The following KLF12 variants were observed in gnomAD, a reference collection of about 807,000 sequenced individuals.
The protein encoded by KLF12 is Krueppel-like factor 12.
A neutral mutation model predicts 37.8 loss-of-function variants in KLF12; 9 were observed. That is an observed-to-expected ratio of 0.24 (90% CI 0.14 to 0.42). The LOEUF (loss-of-function observed/expected upper bound fraction) is 0.42, where lower values mean the gene tolerates loss of function less well. KLF12 is among the 10% of genes least tolerant of loss of function. KLF12 has a pLI of 1.00. For missense variants in KLF12, 411 were observed against 516.0 expected (o/e 0.80, Z 1.97); for synonymous variants, 208 against 202.1 (o/e 1.03, Z -0.25).
At chr13:74,011,239 C>CAAAAAAA (rs58892976) in intron 1 of KLF12, among the ~76,000 whole-genome samples, 1 of 56,138 alleles carries the variant, frequency 1.8e-5, no homozygotes, top group Non-Finnish European at 4.0e-5. Flanking sequence ...CAAGTCAGAG[C>CAAAAAAA]AAAAAAAAAA....
chr13:73,832,834 A>C (rs1884235288), intron 4 of KLF12, among the ~76,000 whole-genome samples: 1 of 152,190 alleles, frequency 6.6e-6, no homozygotes, highest in Non-Finnish European at 1.5e-5. Flanking sequence ...AACACCAAAA[A>C]CTGATTGTAC....
intron 1 of KLF12, among the ~76,000 whole-genome samples, chr13:74,054,692 A>G (rs1258758914): frequency 6.6e-6 from 1 of 152,200 alleles, no homozygotes; most frequent in Non-Finnish European, 1.5e-5. Flanking sequence ...TGTTCCTAAT[A>G]TATCAAGGTT....
At chr13:73,941,917 C>T (rs899284205) in intron 3 of KLF12, among the ~76,000 whole-genome samples, 6 of 152,126 alleles carry the variant, frequency 3.9e-5, no homozygotes, top group Non-Finnish European at 7.4e-5. Context: ...ACATCAGCTC[C>T]ACTCACAAGG....
chr13:74,093,828 C>T (rs1399749668), intron 1 of KLF12, among the ~76,000 whole-genome samples: 2 of 151,896 alleles, frequency 1.3e-5, no homozygotes, highest in Non-Finnish European at 2.9e-5. Flanking sequence ...TGTAAATGAG[C>T]ATTACTTTGG....
intron 4 of KLF12, among the ~76,000 whole-genome samples, chr13:73,839,445 C>T (rs1884627905): frequency 1.3e-5 from 2 of 151,814 alleles, no homozygotes; most frequent in South Asian, 2.1e-4. Context: ...AATGTAATAC[C>T]TATTAATGTT....
At chr13:74,048,354 G>A (rs1019997739) in intron 1 of KLF12, among the ~76,000 whole-genome samples, 2 of 152,114 alleles carry the variant, frequency 1.3e-5, no homozygotes, top group Non-Finnish European at 2.9e-5. Flanking sequence ...TCACAGCTGG[G>A]TTTCTGTAAC....
chr13:74,148,162 G>C, the KLF12 span, among the ~76,000 whole-genome samples: 1 of 151,790 alleles, frequency 6.6e-6, no homozygotes, highest in African/African-American at 2.4e-5. Flanking sequence ...TGATCCACCC[G>C]CCTCGGCCTC....
chr13:74,287,350 G>GAGAGAGAGAGAT, the KLF12 span, among the ~76,000 whole-genome samples: 3 of 13,612 alleles, frequency 2.2e-4, no homozygotes, highest in African/African-American at 5.9e-4. Flanking sequence ...TATCAAAGTT[G>GAGAGAGAGAGAT]AGAGAGAGAG....
intron 5 of KLF12, among the ~76,000 whole-genome samples, chr13:73,796,446 G>A (rs931850687): frequency 1.6e-4 from 24 of 150,548 alleles, no homozygotes; most frequent in African/African-American, 4.6e-4. Flanking sequence ...ACCCATTTTC[G>A]TGGTGCTTCT....
At chr13:74,203,899 T>A in the KLF12 span, among the ~76,000 whole-genome samples, 1 of 152,132 alleles carries the variant, frequency 6.6e-6, no homozygotes, top group Non-Finnish European at 1.5e-5. Flanking sequence ...TTGAACAGTA[T>A]GTAAGCGGAG....
In KLF12 at chr13:74,085,157, C is replaced by T. The variant is rs569419783; in HGVS notation, c.-32+48582G>A. 1.9e-4 allele frequency among the ~76,000 whole-genome samples: 29 copies of T among 152,162 alleles called. 1 individual carries two copies. Among genetic ancestry groups the T allele is most frequent in the Admixed American group, 5.9e-4 (9 of 15,294 alleles). ...TGAAAAGTACCAGCAATCAAACCCA[C>T]GTGACCAAAAAAAAGCATTCTAGTT... is the stretch of plus-strand genomic sequence containing the variant. On this transcript the variant is annotated intron_variant, in intron 1 of 7. Coordinates refer to ENST00000377669, the MANE Select transcript of KLF12 (RefSeq NM_007249.5).
chr13:74,212,299 G>T, the KLF12 span, among the ~76,000 whole-genome samples: 1 of 152,138 alleles, frequency 6.6e-6, no homozygotes, highest in Non-Finnish European at 1.5e-5. Flanking sequence ...GGTTTGGGAA[G>T]AAATGTTACC....
the KLF12 span, among the ~76,000 whole-genome samples, chr13:74,151,815 A>G: frequency 1.3e-5 from 2 of 152,336 alleles, no homozygotes; most frequent in African/African-American, 4.8e-5. Context: ...TGAAGACATT[A>G]CGGTAATGAC....
At chr13:74,122,756 C>CA (rs145756379) in intron 1 of KLF12, among the ~76,000 whole-genome samples, 3,280 of 151,512 alleles carry the variant, frequency 0.022, 122 homozygotes, top group African/African-American at 0.072. Context: ...CAGCACTGAA[C>CA]AAAAAAAGAT....
At chr13:73,981,067 G>GGAGGATTT (rs1244996418) in intron 2 of KLF12, among the ~76,000 whole-genome samples, 1 of 152,162 alleles carries the variant, frequency 6.6e-6, no homozygotes, top group Non-Finnish European at 1.5e-5. Flanking sequence ...TATGGAGGCA[G>GGAGGATTT]GAGGATTGCT....
At chr13:74,088,195 C>T (rs1875430145) in intron 1 of KLF12, among the ~76,000 whole-genome samples, 3 of 152,180 alleles carry the variant, frequency 2.0e-5, no homozygotes, top group South Asian at 2.1e-4. Flanking sequence ...GAAATTCCAG[C>T]AAGCATAAAT....
At chr13:73,745,948 G>A (rs977000113) in intron 6 of KLF12, among the ~76,000 whole-genome samples, 31 of 151,934 alleles carry the variant, frequency 2.0e-4, no homozygotes, top group African/African-American at 6.8e-4. Context: ...CATCTGCATC[G>A]GGCAAAACGC....
chr13:74,124,559 C>T (rs1877829433), intron 1 of KLF12, among the ~76,000 whole-genome samples: 1 of 152,166 alleles, frequency 6.6e-6, no homozygotes, highest in African/African-American at 2.4e-5. Context: ...CATTAGACAG[C>T]ATCACATAAA....
chr13:73,764,151 A>T (rs1261465844), intron 6 of KLF12, among the ~76,000 whole-genome samples: 1 of 152,210 alleles, frequency 6.6e-6, no homozygotes, highest in Non-Finnish European at 1.5e-5. Context: ...CAATGAAGTA[A>T]AAATGGAATT....
Sources: allele counts gnomAD v4.1 joint callset (sites outside exome capture counted in the v4.1 genomes callset), GRCh38; gene constraint gnomAD v4.1.1; transcripts MANE v1.5; gene names NCBI Gene and HGNC (gene_info 2026-07-23, HGNC 2026-07-21).